Variants in NCKAP5 observed in about 807,000 individuals in gnomAD.
NCKAP5 encodes the protein NCK associated protein 5, also known as nck-associated protein 5.
NCKAP5 carries 92 observed loss-of-function variants against 167.0 expected under a neutral mutation model. The ratio of observed to expected loss-of-function variants is 0.55; its 90% CI spans 0.47 to 0.66. NCKAP5 has a LOEUF of 0.66. Among genes scored for constraint, NCKAP5 ranks in the 30% least tolerant of loss-of-function variants. The probability of loss-of-function intolerance (pLI) is 0.00; values close to 1 mark genes in which losing one functional copy is unlikely to be tolerated. For synonymous variants in NCKAP5, 891 were observed against 877.4 expected (o/e 1.02, Z -0.27); for missense variants, 2,378 against 2,315.0 (o/e 1.03, Z -0.56).
chr2:132,806,292 T>C (rs1230916589), intron 11 of NCKAP5, among the ~76,000 whole-genome samples: 3 of 152,332 alleles, frequency 2.0e-5, no homozygotes, highest in African/African-American at 7.2e-5. Flanking sequence ...AGATACCCAG[T>C]AGTGGCATTG....
chr2:133,493,818 C>A (rs968888102), intron 3 of NCKAP5, among the ~76,000 whole-genome samples: 1 of 152,124 alleles, frequency 6.6e-6, no homozygotes, highest in Admixed American at 6.5e-5. Context: ...AGTGAGCAGG[C>A]TGGTTAAATG....
intron 1 of NCKAP5, among the ~76,000 whole-genome samples, chr2:133,560,795 A>G (rs1688100555): frequency 6.6e-6 from 1 of 152,232 alleles, no homozygotes. Context: ...CCAGCTGCAT[A>G]GAATAGAAAA....
intron 16 of NCKAP5, among the ~76,000 whole-genome samples, chr2:132,732,748 T>C (rs1691151657): frequency 6.6e-6 from 1 of 152,180 alleles, no homozygotes; most frequent in African/African-American, 2.4e-5. Context: ...TGAAGTGACG[T>C]CCTAACAATG....
At chr2:133,661,955 T>G in the NCKAP5 span, among the ~76,000 whole-genome samples, 1 of 152,106 alleles carries the variant, frequency 6.6e-6, no homozygotes, top group African/African-American at 2.4e-5. Flanking sequence ...TTCCCACTTA[T>G]AACTAGAACT....
intron 2 of NCKAP5, among the ~76,000 whole-genome samples, chr2:133,533,853 A>C (rs1354990337): frequency 6.6e-6 from 1 of 152,158 alleles, no homozygotes; most frequent in Non-Finnish European, 1.5e-5. Flanking sequence ...AATTTTATTT[A>C]TTTCTTTAAT....
At chr2:133,325,437 A>T (rs941586371) in intron 3 of NCKAP5, among the ~76,000 whole-genome samples, 12 of 152,166 alleles carry the variant, frequency 7.9e-5, no homozygotes. Context: ...TAGTACAGGG[A>T]CTTTGTGATG....
intron 3 of NCKAP5, among the ~76,000 whole-genome samples, chr2:133,371,824 C>A: frequency 6.6e-6 from 1 of 152,172 alleles, no homozygotes; most frequent in East Asian, 1.9e-4. Flanking sequence ...TGCTTCCTTA[C>A]TGGGCTTCCT....
intron 7 of NCKAP5, 81 bp downstream of exon 7, chr2:132,994,071 G>T: frequency 1.0e-6 from 1 of 1,003,812 alleles, no homozygotes. Flanking sequence ...ATTTATCTCT[G>T]GGTTAGAGAG....
chr2:133,165,550 G>C (rs1263735119), intron 5 of NCKAP5, among the ~76,000 whole-genome samples: 1 of 152,196 alleles, frequency 6.6e-6, no homozygotes. Flanking sequence ...GGAAAGCACA[G>C]AAGCAGACTG....
At chr2:132,723,220 A>G (rs1238301466) in intron 19 of NCKAP5, among the ~76,000 whole-genome samples, 1 of 138,216 alleles carries the variant, frequency 7.2e-6, no homozygotes, top group Non-Finnish European at 1.5e-5. Flanking sequence ...ATCTCGGCTC[A>G]CTGCAACCTC....
At chr2:133,549,099 CTT>C (rs1284570896) in intron 2 of NCKAP5, among the ~76,000 whole-genome samples, 1 of 150,522 alleles carries the variant, frequency 6.6e-6, no homozygotes, top group Non-Finnish European at 1.5e-5. Context: ...ATAAAACAGA[CTT>C]TAAACCAACA....
At chr2:133,651,423 A>C in the NCKAP5 span, among the ~76,000 whole-genome samples, 3 of 152,242 alleles carry the variant, frequency 2.0e-5, no homozygotes, top group African/African-American at 7.2e-5. Flanking sequence ...ATCACTAATC[A>C]TCAGAGGAAT....
rs1559179217 is a variant in NCKAP5 at position 133,137,235 on chromosome 2, C to T, written c.208-7124G>A. 3.3e-5 allele frequency among the ~76,000 whole-genome samples: 5 copies of T among 152,138 alleles called. No homozygotes were observed. The South Asian group carries it at 1.0e-3, about 32-fold the overall frequency. ...TAGAAGCAGAGAAACAGATAAGGAACTTGAGGATTGATTTTTTAAAAACCC... is the reference window on the plus strand; with the variant it reads ...TAGAAGCAGAGAAACAGATAAGGAATTTGAGGATTGATTTTTTAAAAACCC... On this transcript the variant is annotated intron_variant, in intron 5 of 19. Transcript: ENST00000409261.
At chr2:133,053,989 A>G (rs1475438191) in intron 6 of NCKAP5, among the ~76,000 whole-genome samples, 2 of 152,208 alleles carry the variant, frequency 1.3e-5, no homozygotes, top group Non-Finnish European at 2.9e-5. Flanking sequence ...TGCAGGGTAA[A>G]TAGATGAATA....
chr2:133,419,027 C>T (rs1042773819), intron 3 of NCKAP5, among the ~76,000 whole-genome samples: 1 of 152,140 alleles, frequency 6.6e-6, no homozygotes, highest in Non-Finnish European at 1.5e-5. Context: ...AGCAGATTTG[C>T]ACTACAAGAC....
chr2:132,771,129 G>A (rs1361192474), intron 16 of NCKAP5, among the ~76,000 whole-genome samples: 1 of 152,116 alleles, frequency 6.6e-6, no homozygotes, highest in Non-Finnish European at 1.5e-5. Flanking sequence ...TTCTTCAGGA[G>A]GTATCCAGAA....
chr2:132,770,997 T>C (rs756812624), intron 16 of NCKAP5, among the ~76,000 whole-genome samples: 2 of 152,206 alleles, frequency 1.3e-5, no homozygotes, highest in Non-Finnish European at 1.5e-5. Context: ...GTACAGAATA[T>C]TTGATAATGA....
intron 11 of NCKAP5, among the ~76,000 whole-genome samples, chr2:132,824,784 C>T (rs1215805838): frequency 6.6e-6 from 1 of 152,144 alleles, no homozygotes; most frequent in Non-Finnish European, 1.5e-5. Flanking sequence ...ATCTTGCTGG[C>T]CTAGTGACTG....
chr2:132,999,991 T>C (rs1382966072), intron 6 of NCKAP5, among the ~76,000 whole-genome samples: 1 of 152,218 alleles, frequency 6.6e-6, no homozygotes, highest in Non-Finnish European at 1.5e-5. Flanking sequence ...ATTTTGTTTT[T>C]AGAAAATATT....
Sources: gnomAD v4.1 joint callset for allele counts (sites outside exome capture counted in the v4.1 genomes callset) on GRCh38, gnomAD v4.1.1 for gene constraint, MANE v1.5 for transcripts, NCBI Gene and HGNC (gene_info 2026-07-23, HGNC 2026-07-21) for gene names.